Variants in ZNF423 observed in about 807,000 individuals in gnomAD.
ZNF423 encodes the protein Ebf-associated zinc finger protein.
A neutral mutation model predicts 95.8 loss-of-function variants in ZNF423; 12 were observed. The observed-to-expected ratio is 0.13, with a 90% confidence interval of 0.08 to 0.20. ZNF423 has a LOEUF of 0.20. ZNF423 is among the 10% of genes least tolerant of loss of function. The pLI is 1.00. For missense variants in ZNF423, 1,316 were observed against 1,737.1 expected, an observed-to-expected ratio of 0.76 and a Z score of 4.31; for synonymous variants, 749 against 711.9, an observed-to-expected ratio of 1.05 and a Z score of -0.83.
chr16:49,627,818 T>C, intron 4 of ZNF423, among the ~76,000 whole-genome samples: 1 of 129,108 alleles, frequency 7.7e-6, no homozygotes, highest in Non-Finnish European at 1.6e-5. Context: ...AGTCATCCAT[T>C]TACATACACA....
chr16:49,761,522 C>G (rs2033833043), intron 2 of ZNF423, among the ~76,000 whole-genome samples: 1 of 152,234 alleles, frequency 6.6e-6, no homozygotes, highest in African/African-American at 2.4e-5. Context: ...CTCTGAGTAG[C>G]AAAGACTCAG....
intron 5 of ZNF423, among the ~76,000 whole-genome samples, chr16:49,578,805 C>A (rs1488740993): frequency 6.6e-6 from 1 of 152,232 alleles, no homozygotes; most frequent in Non-Finnish European, 1.5e-5. Flanking sequence ...GACCCAAGGA[C>A]CTTTTGTTCC....
rs2032000244 is a variant in ZNF423, at chr16:49,697,011, G to A, written c.301+33760C>T. Among the ~76,000 whole-genome samples, 6 of 152,306 alleles carry A rather than the reference G, an allele frequency of 3.9e-5. No individual in the cohort carries two copies. In the South Asian group the frequency reaches 1.0e-3, roughly 26 times the overall value. On this transcript the variant is annotated intron_variant, in intron 3 of 7. Coordinates refer to ENST00000563137, the MANE Select transcript of ZNF423 (RefSeq NM_001379286.1). ...GAGACAAAGCTCACAGGGAATCGCCGGAGGGTTGACGCAGGAATGCAGTCC... is the reference window on the plus strand; with the variant it reads ...GAGACAAAGCTCACAGGGAATCGCCAGAGGGTTGACGCAGGAATGCAGTCC...
At chr16:49,831,250 T>C (rs1016976054) in intron 1 of ZNF423, among the ~76,000 whole-genome samples, 3 of 152,216 alleles carry the variant, frequency 2.0e-5, no homozygotes, top group Non-Finnish European at 4.4e-5. Flanking sequence ...CCTGAGTCCA[T>C]GTTCTACAGT....
chr16:49,651,881 AG>A (rs1183984087), intron 3 of ZNF423, among the ~76,000 whole-genome samples: 2 of 152,204 alleles, frequency 1.3e-5, no homozygotes, highest in Non-Finnish European at 2.9e-5. Flanking sequence ...GATAACCAAC[AG>A]GGTCTAAGCT....
chr16:49,734,059 G>A (rs1015052005), intron 2 of ZNF423, among the ~76,000 whole-genome samples: 5 of 152,252 alleles, frequency 3.3e-5, no homozygotes, highest in African/African-American at 1.2e-4. Context: ...CCCTGGGCCT[G>A]TTGGAGCCCC....
At chr16:49,526,065 G>A (rs776911427) in intron 5 of ZNF423, among the ~76,000 whole-genome samples, 18 of 152,048 alleles carry the variant, frequency 1.2e-4, no homozygotes, top group Non-Finnish European at 2.2e-4. Flanking sequence ...AGAGGGGTGG[G>A]GGCAGGGCCC....
At chr16:49,832,177 A>G (rs189637464) in intron 1 of ZNF423, among the ~76,000 whole-genome samples, 1 of 152,210 alleles carries the variant, frequency 6.6e-6, no homozygotes, top group East Asian at 1.9e-4. Flanking sequence ...CCAGCCCTGA[A>G]GCTTTGTCAA....
chr16:49,754,212 T>C (rs1361031124), intron 2 of ZNF423, among the ~76,000 whole-genome samples: 1 of 152,132 alleles, frequency 6.6e-6, no homozygotes, highest in Non-Finnish European at 1.5e-5. Flanking sequence ...GCCCTCTCTC[T>C]ACACACTTTT....
chr16:49,658,014 T>C (rs1420234), intron 3 of ZNF423, among the ~76,000 whole-genome samples: 36,902 of 152,196 alleles, frequency 0.24, 4,579 homozygotes, highest in African/African-American at 0.31. Flanking sequence ...ACTAACAATG[T>C]CAGGTACCCA....
At chr16:49,556,543 G>A (rs751068680) in intron 5 of ZNF423, among the ~76,000 whole-genome samples, 8 of 152,130 alleles carry the variant, frequency 5.3e-5, no homozygotes, top group Non-Finnish European at 7.3e-5. Flanking sequence ...CAATAAATAT[G>A]TGTGGAATTG....
intron 4 of ZNF423, among the ~76,000 whole-genome samples, chr16:49,630,290 C>T (rs1378662555): frequency 1.3e-5 from 2 of 152,186 alleles, no homozygotes; most frequent in African/African-American, 4.8e-5. Context: ...GGGCCATGGT[C>T]GTGGAGATGA....
intron 1 of ZNF423, chr16:49,847,440 CA>C (rs1022158296): frequency 1.4e-4 from 22 of 152,352 alleles, no homozygotes; most frequent in African/African-American, 4.6e-4. Flanking sequence ...GCTGTCCCCA[CA>C]AGGAGACAAA....
chr16:49,684,205 T>C (rs73569302), intron 3 of ZNF423, among the ~76,000 whole-genome samples: 5,136 of 152,294 alleles, frequency 0.034, 161 homozygotes, highest in African/African-American at 0.081. Flanking sequence ...TAAATTCTCA[T>C]GTGTGCAGAC....
intron 3 of ZNF423, among the ~76,000 whole-genome samples, chr16:49,657,953 G>C (rs2029974379): frequency 6.6e-6 from 1 of 152,194 alleles, no homozygotes; most frequent in Admixed American, 6.5e-5. Context: ...GCCACCGTCA[G>C]GGTCTGTGTC....
At chr16:49,605,285 C>T (rs990812462) in intron 5 of ZNF423, among the ~76,000 whole-genome samples, 1 of 152,224 alleles carries the variant, frequency 6.6e-6, no homozygotes, top group Non-Finnish European at 1.5e-5. Flanking sequence ...AGTTCCATCT[C>T]TTCTCTCGTT....
At chr16:49,792,304 A>G (rs921879074) in intron 1 of ZNF423, among the ~76,000 whole-genome samples, 3 of 152,204 alleles carry the variant, frequency 2.0e-5, no homozygotes, top group Admixed American at 2.0e-4. Flanking sequence ...AAAGATGTCA[A>G]GTCATCCTCT....
At chr16:49,533,889 G>GA (rs1968950503) in intron 5 of ZNF423, among the ~76,000 whole-genome samples, 3 of 152,150 alleles carry the variant, frequency 2.0e-5, no homozygotes, top group African/African-American at 7.2e-5. Context: ...CCGGCACAGT[G>GA]GCTTACACCT....
chr16:49,799,933 G>A (rs1239349394), intron 1 of ZNF423, among the ~76,000 whole-genome samples: 1 of 152,130 alleles, frequency 6.6e-6, no homozygotes, highest in Non-Finnish European at 1.5e-5. Context: ...AGGACCACAA[G>A]CACGCACCAT....
Sources: gnomAD v4.1 joint callset for allele counts (sites outside exome capture counted in the v4.1 genomes callset) on GRCh38, gnomAD v4.1.1 for gene constraint, MANE v1.5 for transcripts, NCBI Gene and HGNC (gene_info 2026-07-23, HGNC 2026-07-21) for gene names.